The following LRP5 variants were observed in gnomAD, a reference collection of about 807,000 sequenced individuals.
The protein encoded by LRP5 is LDL receptor related protein 5, also known as low-density lipoprotein receptor-related protein 5.
LRP5 carries 62 observed loss-of-function variants against 154.1 expected under a neutral mutation model. The observed-to-expected ratio is 0.40, with a 90% CI of 0.33 to 0.50. The LOEUF (loss-of-function observed/expected upper bound fraction) is 0.50. Among genes scored for constraint, LRP5 ranks in the 20% least tolerant of loss-of-function variants. The probability of loss-of-function intolerance (pLI) is 0.55; values close to 1 mark genes in which losing one functional copy is unlikely to be tolerated. For synonymous variants in LRP5, 966 were observed against 1,011.5 expected (o/e 0.96, Z 0.85); for missense variants, 1,915 against 2,336.7 (o/e 0.82, Z 3.72).
At chr11:68,314,495 C>T (rs1480552866) in intron 1 of LRP5, among the ~76,000 whole-genome samples, 2 of 152,354 alleles carry the variant, frequency 1.3e-5, no homozygotes, top group Admixed American at 1.3e-4. Context: ...CCTGGTTTTA[C>T]TGTGTGAAAT....
intron 1 of LRP5, among the ~76,000 whole-genome samples, chr11:68,322,651 G>T (rs771535154): frequency 6.6e-6 from 1 of 152,270 alleles, no homozygotes; most frequent in Admixed American, 6.5e-5. Context: ...TCTGCCTCTA[G>T]TGTGATGTCT....
intron 16 of LRP5, among the ~76,000 whole-genome samples, chr11:68,426,476 G>T (rs1312238038): frequency 1.3e-5 from 2 of 150,680 alleles, no homozygotes; most frequent in African/African-American, 4.9e-5. Context: ...CCAGGCTGGG[G>T]TGCCCTGGTG....
chr11:68,318,189 G>A (rs2098594550), intron 1 of LRP5, among the ~76,000 whole-genome samples: 1 of 151,804 alleles, frequency 6.6e-6, no homozygotes, highest in East Asian at 1.9e-4. Flanking sequence ...TGAGTAGCTG[G>A]AACTACAGGC....
At chr11:68,367,948 C>A (rs1198302661) in intron 5 of LRP5, among the ~76,000 whole-genome samples, 1 of 151,884 alleles carries the variant, frequency 6.6e-6, no homozygotes, top group East Asian at 1.9e-4. Context: ...GCCTGTAATC[C>A]CAGCTACTTG....
At chr11:68,389,627 T>C (rs927522853) in intron 6 of LRP5, among the ~76,000 whole-genome samples, 3 of 150,252 alleles carry the variant, frequency 2.0e-5, no homozygotes, top group African/African-American at 7.3e-5. Flanking sequence ...GACACTGACA[T>C]TTACTGACAC....
chr11:68,313,413 A>G (rs2153110545), intron 1 of LRP5, among the ~76,000 whole-genome samples: 1 of 152,190 alleles, frequency 6.6e-6, no homozygotes, highest in African/African-American at 2.4e-5. Flanking sequence ...GTCCCCAGAT[A>G]GTGTCCATCC....
chr11:68,386,172 T>C lies in LRP5; in HGVS notation c.1016-144T>C. 5 of 907,108 alleles carry C rather than the reference T, an allele frequency of 5.5e-6. No homozygotes were observed. Among genetic ancestry groups the C allele is most frequent in the Non-Finnish European group, 8.7e-6 (5 of 572,404 alleles). 56.2% of individuals were successfully genotyped at this position (907,108 alleles called of 1,614,324 possible). ...GAGTGACCATGTAGCATGGGCTGGG[T>C]GCGTGTCACCTAACATCACCAGCCT... On this transcript the variant is annotated intron_variant, in intron 5 of 22. Coordinates refer to ENST00000294304, the MANE Select transcript of LRP5 (RefSeq NM_002335.4). This position sits in a 1 kb window ranked among gnomAD's most constrained non-coding sequence, Gnocchi z 7.9.
chr11:68,423,361 C>T lies in LRP5; in HGVS notation c.3028-128C>T. ...CTGCCAGAGCTCTCCAGCCAGTGCC[C>T]AGGGCTCTCCAGCCAGTGCCCGGGG... On this transcript the variant is annotated intron_variant, in intron 13 of 22. Coordinates refer to ENST00000294304, the MANE Select transcript of LRP5 (RefSeq NM_002335.4). This position sits in a 1 kb window ranked among gnomAD's most constrained non-coding sequence, Gnocchi z 4.7. 1 of 849,152 alleles carries T rather than the reference C, an allele frequency of 1.2e-6. No homozygotes were observed. Among genetic ancestry groups the T allele is most frequent in the Non-Finnish European group, 2.0e-6 (1 of 492,804 alleles). The allele number at this position is 849,152 out of a possible 1,614,324, so 52.6% of individuals were successfully genotyped here.
intron 21 of LRP5, chr11:68,445,640 G>A (rs1197329672): frequency 2.4e-5 from 32 of 1,318,994 alleles, no homozygotes; most frequent in Non-Finnish European, 3.1e-5. Context: ...ACACCCTTTG[G>A]GAAGCTGCAT....
chr11:68,328,940 G>T (rs1290862425), intron 1 of LRP5, among the ~76,000 whole-genome samples: 1 of 152,220 alleles, frequency 6.6e-6, no homozygotes, highest in African/African-American at 2.4e-5. Flanking sequence ...CGGCTGCTCT[G>T]TCGCTTTGTG....
chr11:68,352,008 G>A (rs2098619057), intron 2 of LRP5, among the ~76,000 whole-genome samples: 1 of 152,118 alleles, frequency 6.6e-6, no homozygotes, highest in Admixed American at 6.5e-5. Flanking sequence ...CAGGGCCCAA[G>A]GTGTGAGGAG....
At chr11:68,332,552 A>G (rs572566459) in intron 1 of LRP5, among the ~76,000 whole-genome samples, 2 of 152,328 alleles carry the variant, frequency 1.3e-5, no homozygotes, top group Non-Finnish European at 2.9e-5. Context: ...CGTGGGCTTC[A>G]CCTGGGTCCA....
intron 1 of LRP5, among the ~76,000 whole-genome samples, chr11:68,342,376 C>T (rs1282902865): frequency 6.6e-6 from 1 of 152,164 alleles, no homozygotes; most frequent in Non-Finnish European, 1.5e-5. Context: ...GTGCGAGGCC[C>T]TCCAGTGACA....
chr11:68,361,259 C>G (rs1307829991), intron 3 of LRP5, among the ~76,000 whole-genome samples: 7 of 143,812 alleles, frequency 4.9e-5, no homozygotes, highest in African/African-American at 7.7e-5. Context: ...GAGCTGAGAT[C>G]CCGCCACTGC....
intron 5 of LRP5, among the ~76,000 whole-genome samples, chr11:68,379,149 G>A (rs1184578360): frequency 1.3e-5 from 2 of 152,128 alleles, no homozygotes; most frequent in East Asian, 1.9e-4. Flanking sequence ...TTCATTTATC[G>A]TTCATGCAAA....
rs563685336 is a variant in LRP5 at position 68,433,574 on chromosome 11, G to A, written c.3764-28G>A. 8 of 1,588,768 alleles carry A rather than the reference G, an allele frequency of 5.0e-6. No homozygotes were observed. The African/African-American group carries it at 1.1e-4, about 21-fold the overall frequency. ...TGGGTTTTGCTGGGCGGGGCTGCGT[G>A]TGATGTTCTCCTCTGTCCCTCCCCC... On this transcript the variant is annotated intron_variant, in intron 17 of 22. Transcript: ENST00000294304.
chr11:68,332,117 C>T (rs1358940433), intron 1 of LRP5, among the ~76,000 whole-genome samples: 1 of 152,180 alleles, frequency 6.6e-6, no homozygotes, highest in Non-Finnish European at 1.5e-5. Context: ...GCCAGCCTTC[C>T]TTTTGTCTGC....
rs183868063 is a variant in LRP5 at position 68,395,965 on chromosome 11, C to T, written c.1584+5913C>T. Among the ~76,000 whole-genome samples, 621 of 152,220 alleles carry T rather than the reference C, an allele frequency of 4.1e-3. 4 individuals carry two copies. The highest frequency in any genetic ancestry group is 0.014 in the African/African-American group (562 of 41,522). On this transcript the variant is annotated intron_variant, in intron 7 of 22. Coordinates refer to ENST00000294304, the MANE Select transcript of LRP5 (RefSeq NM_002335.4). Reference sequence around the variant, plus strand: ...CTGGCACTTTGTTCAGGGGTGGATGCGCCAGTGTTCCTGCTGTGGACCCCC... The same window carrying T: ...CTGGCACTTTGTTCAGGGGTGGATGTGCCAGTGTTCCTGCTGTGGACCCCC...
At chr11:68,333,022 G>A (rs974926172) in intron 1 of LRP5, among the ~76,000 whole-genome samples, 1 of 152,190 alleles carries the variant, frequency 6.6e-6, no homozygotes, top group African/African-American at 2.4e-5. Flanking sequence ...TGAATCTTTA[G>A]ACAACTGCAG....
Sources: gnomAD v4.1 joint callset for allele counts (sites outside exome capture counted in the v4.1 genomes callset) on GRCh38, gnomAD v4.1.1 for gene constraint, Gnocchi (gnomAD v3.1) non-coding constraint, MANE v1.5 for transcripts, NCBI Gene and HGNC (gene_info 2026-07-23, HGNC 2026-07-21) for gene names.